The following DLGAP2 variants were observed in gnomAD, a reference collection of about 807,000 sequenced individuals.
DLGAP2 encodes disks large-associated protein 2.
Under a neutral mutation model 100.3 loss-of-function variants are expected in DLGAP2, and 26 were observed. That is an observed-to-expected ratio of 0.26 (90% CI 0.19 to 0.36). The LOEUF is 0.36. Among genes scored for constraint, DLGAP2 ranks in the 10% least tolerant of loss-of-function variants. The pLI is 1.00. For synonymous variants in DLGAP2, 886 were observed against 630.1 expected (o/e 1.41, Z -6.08); for missense variants, 1,858 against 1,453.2 (o/e 1.28, Z -4.53).
chr8:989,995 C>G (rs976028811), intron 2 of DLGAP2, among the ~76,000 whole-genome samples: 1 of 152,090 alleles, frequency 6.6e-6, no homozygotes, highest in African/African-American at 2.4e-5. Context: ...CAGAAAGCCT[C>G]TCTTGCCGCT....
chr8:1,278,391 G>A (rs1799749153), intron 3 of DLGAP2, among the ~76,000 whole-genome samples: 1 of 152,110 alleles, frequency 6.6e-6, no homozygotes, highest in African/African-American at 2.4e-5. Flanking sequence ...CGTGAGCCTG[G>A]TCATTACTCA....
At chr8:1,181,328 T>C (rs1333414588) in intron 2 of DLGAP2, among the ~76,000 whole-genome samples, 1 of 152,230 alleles carries the variant, frequency 6.6e-6, no homozygotes, top group Non-Finnish European at 1.5e-5. Flanking sequence ...AAATTAAAGC[T>C]TGAGTGCACT....
chr8:1,017,547 G>A (rs1222305991), intron 2 of DLGAP2, among the ~76,000 whole-genome samples: 1 of 120,406 alleles, frequency 8.3e-6, no homozygotes, highest in East Asian at 2.4e-4. Flanking sequence ...CAGGACAGAC[G>A]ATGCCTCCAC....
intron 2 of DLGAP2, among the ~76,000 whole-genome samples, chr8:1,027,922 T>C (rs1294331879): frequency 6.9e-5 from 5 of 72,518 alleles, no homozygotes; most frequent in Admixed American, 3.4e-4. Context: ...GGTGGGGTGC[T>C]CGGTGCCTGT....
chr8:1,193,317 C>G (rs1486034858), intron 2 of DLGAP2, among the ~76,000 whole-genome samples: 1 of 152,240 alleles, frequency 6.6e-6, no homozygotes, highest in African/African-American at 2.4e-5. Context: ...CATTTCTCCA[C>G]ATCCTCTCCA....
chr8:1,521,038 GGCCGTTCTA>G lies in DLGAP2; in HGVS notation c.172+19608_172+19616del, dbSNP rs1330103731. ...GTGGTACTGTTGGGGTCTGGATTCT[GGCCGTTCTA>G]TTCGGGGTGTGGTGGTGTCTTGTTG... On this transcript the variant is annotated intron_variant, in intron 4 of 14. Coordinates refer to ENST00000637795, the MANE Select transcript of DLGAP2 (RefSeq NM_001346810.2). Among the ~76,000 whole-genome samples, 3 of 152,314 alleles carry G rather than the reference GGCCGTTCTA, an allele frequency of 2.0e-5. No individual in the cohort carries two copies. In the South Asian group the frequency reaches 6.2e-4, roughly 32 times the overall value.
intron 13 of DLGAP2, among the ~76,000 whole-genome samples, chr8:1,694,823 G>A (rs1037539393): frequency 6.6e-6 from 1 of 152,082 alleles, no homozygotes; most frequent in East Asian, 1.9e-4. Flanking sequence ...TGAGTTTGCT[G>A]GGGGAAAGGG....
At chr8:1,609,312 A>G (rs1304802722) in intron 6 of DLGAP2, among the ~76,000 whole-genome samples, 1 of 139,504 alleles carries the variant, frequency 7.2e-6, no homozygotes. Context: ...TGAAGGAGAA[A>G]TAAAATACTT....
At position 1,232,915 on chromosome 8, in the gene DLGAP2, G is replaced by T. The variant is rs138940842; in HGVS notation, c.74-25936G>T. Among the ~76,000 whole-genome samples, 4 of 152,296 alleles carry T rather than the reference G, an allele frequency of 2.6e-5. No individual in the cohort carries two copies. In the East Asian group the frequency reaches 7.7e-4, roughly 29 times the overall value. ...ATTTTAGAATATTTTATCATCATTA[G>T]TAACCACTCCCATTCTAGGCCCACC... On this transcript the variant is annotated intron_variant, in intron 2 of 14. Coordinates refer to ENST00000637795, the MANE Select transcript of DLGAP2 (RefSeq NM_001346810.2).
At chr8:1,280,033 C>T (rs1419502653) in intron 3 of DLGAP2, among the ~76,000 whole-genome samples, 1 of 152,194 alleles carries the variant, frequency 6.6e-6, no homozygotes, top group Non-Finnish European at 1.5e-5. Flanking sequence ...GCTTAGAATT[C>T]AGTAACTTGC....
intron 3 of DLGAP2, among the ~76,000 whole-genome samples, chr8:1,374,435 T>C (rs1802340766): frequency 6.6e-6 from 1 of 152,162 alleles, no homozygotes; most frequent in Non-Finnish European, 1.5e-5. Flanking sequence ...TGATTTTGCC[T>C]TCTCTGTAGG....
intron 1 of DLGAP2, among the ~76,000 whole-genome samples, chr8:905,277 C>T (rs1798354839): frequency 6.6e-6 from 1 of 152,030 alleles, no homozygotes; most frequent in Non-Finnish European, 1.5e-5. Context: ...CTCTGCTGGT[C>T]AGTGCTGCTA....
intron 2 of DLGAP2, among the ~76,000 whole-genome samples, chr8:1,194,188 C>G (rs568538000): frequency 6.6e-6 from 1 of 152,072 alleles, no homozygotes; most frequent in Admixed American, 6.5e-5. Flanking sequence ...GAAACTGCCG[C>G]CTGTGGGAGG....
intron 1 of DLGAP2, among the ~76,000 whole-genome samples, chr8:796,430 C>A (rs1016308564): frequency 2.6e-5 from 4 of 152,048 alleles, no homozygotes; most frequent in African/African-American, 4.8e-5. Context: ...GGATGCTTTC[C>A]TGATGTTTGA....
intron 3 of DLGAP2, among the ~76,000 whole-genome samples, chr8:1,499,670 G>A (rs1799650797): frequency 6.6e-6 from 1 of 152,202 alleles, no homozygotes; most frequent in African/African-American, 2.4e-5. Context: ...GAGCTGTCTT[G>A]TAAGATACTT....
intron 6 of DLGAP2, among the ~76,000 whole-genome samples, chr8:1,597,899 C>A (rs114015480): frequency 1.3e-5 from 2 of 152,152 alleles, no homozygotes; most frequent in African/African-American, 4.8e-5. Context: ...GAACATCCAT[C>A]ACTATGTTGA....
chr8:1,351,238 C>T (rs1402689768), intron 3 of DLGAP2, among the ~76,000 whole-genome samples: 19 of 78,804 alleles, frequency 2.4e-4, no homozygotes, highest in East Asian at 4.5e-4. Context: ...AAAGGCCGTG[C>T]GGGTCCTGAC....
chr8:1,535,791 GT>G (rs1801136531), intron 4 of DLGAP2, among the ~76,000 whole-genome samples: 1 of 152,214 alleles, frequency 6.6e-6, no homozygotes, highest in Admixed American at 6.5e-5. Context: ...GCATCGATGT[GT>G]GCCAGAGACT....
chr8:1,428,918 A>G (rs1053275316), intron 3 of DLGAP2, among the ~76,000 whole-genome samples: 2 of 152,196 alleles, frequency 1.3e-5, no homozygotes, highest in Non-Finnish European at 2.9e-5. Context: ...TTGGCTATCT[A>G]GGGTGAGCCA....
Sources: gnomAD v4.1 joint callset for allele counts (sites outside exome capture counted in the v4.1 genomes callset) on GRCh38, gnomAD v4.1.1 for gene constraint, MANE v1.5 for transcripts, NCBI Gene and HGNC (gene_info 2026-07-23, HGNC 2026-07-21) for gene names.